The following WDR7 variants were observed in gnomAD, a reference collection of about 807,000 sequenced individuals.
WDR7 encodes WD repeat-containing protein 7.
Under a neutral mutation model 169.4 loss-of-function variants are expected in WDR7, and 46 were observed. The ratio of observed to expected loss-of-function variants is 0.27; its 90% CI spans 0.21 to 0.35. The LOEUF (loss-of-function observed/expected upper bound fraction) is 0.35, where lower values mean the gene tolerates loss of function less well. Among genes scored for constraint, WDR7 ranks in the 10% least tolerant of loss-of-function variants. WDR7 has a pLI of 1.00. For synonymous variants in WDR7, 612 were observed against 666.8 expected, an observed-to-expected ratio of 0.92 and a Z score of 1.27; for missense variants, 1,534 against 1,859.3, an observed-to-expected ratio of 0.83 and a Z score of 3.22.
At chr18:56,973,637 C>T (rs1355042623) in intron 26 of WDR7, among the ~76,000 whole-genome samples, 2 of 152,012 alleles carry the variant, frequency 1.3e-5, no homozygotes, top group Non-Finnish European at 2.9e-5. Flanking sequence ...TAGCACAAGG[C>T]CTGGCATCTT....
rs1213545532 is a variant in WDR7 at position 56,776,812 on chromosome 18, A to G, written c.2879A>G (p.Asp960Gly). ...GCACCTGTCGTTTCCGCTCGGTCTG[A>G]TGCTGATCACTCTGGCTCTGACCCT... ...VAAPVVSARS[D>G]ADHSGSDPPS... The change falls in exon 17 of 28, where the codon GAT (aspartate) becomes GGT (glycine). Residue 960 changes from aspartate (D) to glycine (G), a missense_variant. Coordinates refer to ENST00000254442, the MANE Select transcript of WDR7 (RefSeq NM_015285.3). 6.2e-7 allele frequency: 1 copy of G among 1,613,842 alleles called. No individual in the cohort carries two copies. The highest frequency in any genetic ancestry group is 1.1e-5 in the South Asian group (1 of 91,066).
chr18:56,914,491 T>A (rs1032642240), intron 21 of WDR7, among the ~76,000 whole-genome samples: 1 of 152,160 alleles, frequency 6.6e-6, no homozygotes. Flanking sequence ...AGCTAATAGG[T>A]GCTCGAGCTA....
intron 14 of WDR7, among the ~76,000 whole-genome samples, chr18:56,754,649 T>G (rs1599018157): frequency 6.6e-6 from 1 of 152,158 alleles, no homozygotes; most frequent in Non-Finnish European, 1.5e-5. Context: ...AAAGATGATT[T>G]ATAAATTCTG....
chr18:56,738,285 C>G lies in WDR7; in HGVS notation c.1989+6688C>G, dbSNP rs1156723006. 2.0e-5 allele frequency among the ~76,000 whole-genome samples: 3 copies of G among 152,246 alleles called. No homozygotes were observed. In the East Asian group the frequency reaches 5.8e-4, roughly 29 times the overall value. On this transcript the variant is annotated intron_variant, in intron 14 of 27. Transcript: ENST00000254442. ...TTATATGATATAGAGATATTTAAAACTTGGCCAGGCACGGTGGCTCATGCC... is the reference window on the plus strand; with the variant it reads ...TTATATGATATAGAGATATTTAAAAGTTGGCCAGGCACGGTGGCTCATGCC...
At chr18:56,856,372 A>G (rs951081275) in intron 20 of WDR7, among the ~76,000 whole-genome samples, 3 of 152,072 alleles carry the variant, frequency 2.0e-5, no homozygotes, top group African/African-American at 7.2e-5. Context: ...TGGCTCTACA[A>G]AACTTACAAA....
intron 21 of WDR7, among the ~76,000 whole-genome samples, chr18:56,906,544 C>CTT (rs71171005): frequency 2.5e-5 from 3 of 119,454 alleles, no homozygotes; most frequent in Non-Finnish European, 5.4e-5. Context: ...TTCTTTCCTT[C>CTT]TTTTTTTTTT....
chr18:56,817,739 T>C (rs1240419068), intron 20 of WDR7, among the ~76,000 whole-genome samples: 1 of 151,132 alleles, frequency 6.6e-6, no homozygotes, highest in East Asian at 1.9e-4. Context: ...AAATCTATTT[T>C]CTTTGCAGAT....
intron 26 of WDR7, among the ~76,000 whole-genome samples, chr18:57,015,624 T>C (rs2048195677): frequency 6.6e-6 from 1 of 152,210 alleles, no homozygotes; most frequent in Non-Finnish European, 1.5e-5. Flanking sequence ...GGCTCCTGTA[T>C]TGGGATGTCA....
chr18:57,006,411 C>A (rs977184221), intron 26 of WDR7, among the ~76,000 whole-genome samples: 1 of 151,910 alleles, frequency 6.6e-6, no homozygotes, highest in Non-Finnish European at 1.5e-5. Context: ...CCTGTATTAC[C>A]ACAACATTTT....
chr18:56,780,846 T>G (rs1451935220), intron 18 of WDR7, among the ~76,000 whole-genome samples: 1 of 152,376 alleles, frequency 6.6e-6, no homozygotes, highest in East Asian at 1.9e-4. Flanking sequence ...TGACTAGCTT[T>G]TTTGACTTCA....
At chr18:56,689,440 T>G (rs1401321900) in intron 7 of WDR7, among the ~76,000 whole-genome samples, 1 of 152,126 alleles carries the variant, frequency 6.6e-6, no homozygotes, top group Non-Finnish European at 1.5e-5. Flanking sequence ...TTTGTATTTT[T>G]AGTAGAGATG....
intron 21 of WDR7, chr18:56,890,941 T>G (rs913303313): frequency 1.3e-5 from 2 of 152,222 alleles, no homozygotes; most frequent in Non-Finnish European, 2.9e-5. Context: ...GCAGAATGTT[T>G]TTAAAATGTG....
At chr18:56,996,957 A>G (rs2047907349) in intron 26 of WDR7, among the ~76,000 whole-genome samples, 1 of 151,752 alleles carries the variant, frequency 6.6e-6, no homozygotes, top group Non-Finnish European at 1.5e-5. Context: ...TAAGAAGAAG[A>G]AAAAAAAACT....
At chr18:56,708,083 GA>G (rs1222537115) in intron 12 of WDR7, among the ~76,000 whole-genome samples, 1 of 149,720 alleles carries the variant, frequency 6.7e-6, no homozygotes, top group Non-Finnish European at 1.5e-5. Context: ...ATCCAGGCTG[GA>G]ATACAGTGGC....
At chr18:56,963,083 A>G (rs1182587773) in intron 26 of WDR7, among the ~76,000 whole-genome samples, 1 of 152,136 alleles carries the variant, frequency 6.6e-6, no homozygotes, top group African/African-American at 2.4e-5. Flanking sequence ...GTGAAAAATT[A>G]TTGATTTAGT....
intron 15 of WDR7, among the ~76,000 whole-genome samples, chr18:56,757,813 A>C (rs1234114521): frequency 6.6e-6 from 1 of 151,972 alleles, no homozygotes; most frequent in Non-Finnish European, 1.5e-5. Context: ...GCAAAAATAA[A>C]AGTAATTAGC....
intron 19 of WDR7, among the ~76,000 whole-genome samples, chr18:56,813,174 G>A (rs1325055369): frequency 7.1e-6 from 1 of 140,374 alleles, no homozygotes; most frequent in Non-Finnish European, 1.5e-5. Context: ...AAAACTTAGA[G>A]TATAATAAAA....
At chr18:56,736,258 CTT>C (rs1233208220) in intron 14 of WDR7, among the ~76,000 whole-genome samples, 4 of 152,106 alleles carry the variant, frequency 2.6e-5, no homozygotes, top group South Asian at 2.1e-4. Flanking sequence ...CCAACTGACT[CTT>C]TTTAAAAATA....
chr18:56,799,725 A>G (rs80287538), intron 19 of WDR7, among the ~76,000 whole-genome samples: 1,834 of 152,310 alleles, frequency 0.012, 16 homozygotes, highest in East Asian at 0.032. Context: ...AATTAAACAC[A>G]TTTTTAAAAT....
Sources: allele counts gnomAD v4.1 joint callset (sites outside exome capture counted in the v4.1 genomes callset), GRCh38; gene constraint gnomAD v4.1.1; transcripts MANE v1.5; gene names NCBI Gene and HGNC (gene_info 2026-07-23, HGNC 2026-07-21).